Variants in NELL1 observed in about 807,000 individuals in gnomAD.
The protein encoded by NELL1 is protein kinase C-binding protein NELL1.
A neutral mutation model predicts 107.4 loss-of-function variants in NELL1; 76 were observed. The ratio of observed to expected loss-of-function variants is 0.71; its 90% confidence interval spans 0.59 to 0.86. NELL1 has a LOEUF of 0.86. Ranked by LOEUF, NELL1 falls within the 40% of genes least tolerant of loss-of-function variation. The pLI, the probability that NELL1 is intolerant of heterozygous loss-of-function variation, is 0.00. For missense variants in NELL1, 1,024 were observed against 1,005.5 expected (o/e 1.02, Z -0.25); for synonymous variants, 353 against 341.2 (o/e 1.03, Z -0.38).
At chr11:21,567,241 G>C (rs752714304) in intron 17 of NELL1, among the ~76,000 whole-genome samples, 1 of 151,750 alleles carries the variant, frequency 6.6e-6, no homozygotes, top group South Asian at 2.1e-4. Flanking sequence ...AGTTTTTGTT[G>C]GTTAAAGTAA....
chr11:21,118,767 T>A (rs2133737888), intron 13 of NELL1, among the ~76,000 whole-genome samples: 1 of 152,182 alleles, frequency 6.6e-6, no homozygotes, highest in East Asian at 1.9e-4. Context: ...GCTGGTTTTA[T>A]AACCATGTCA....
At chr11:21,305,430 G>A (rs1849584950) in intron 14 of NELL1, among the ~76,000 whole-genome samples, 1 of 151,982 alleles carries the variant, frequency 6.6e-6, no homozygotes, top group African/African-American at 2.4e-5. Flanking sequence ...ATCGTTTGAT[G>A]CCTGATGGGT....
chr11:21,371,927 C>A (rs1851365814), intron 15 of NELL1, among the ~76,000 whole-genome samples: 1 of 151,862 alleles, frequency 6.6e-6, no homozygotes, highest in Non-Finnish European at 1.5e-5. Context: ...TTTATTATTT[C>A]TCACCCTGAC....
At chr11:21,283,537 T>A (rs1849044282) in intron 14 of NELL1, 1 of 152,540 alleles carries the variant, frequency 6.6e-6, no homozygotes, top group Non-Finnish European at 1.5e-5. Context: ...CACACTGAAT[T>A]TGTCTAGTGA....
intron 13 of NELL1, among the ~76,000 whole-genome samples, chr11:21,157,781 C>G (rs1010507295): frequency 1.3e-5 from 2 of 152,162 alleles, no homozygotes; most frequent in African/African-American, 4.8e-5. Context: ...CCTCTCTATG[C>G]CTCAGTTTTC....
chr11:21,054,425 A>G (rs1853568066), intron 12 of NELL1, among the ~76,000 whole-genome samples: 2 of 151,802 alleles, frequency 1.3e-5, no homozygotes, highest in South Asian at 2.1e-4. Context: ...TATTTTTGTG[A>G]GTATATTTAT....
At chr11:21,571,020 C>G (rs1564966888) in intron 18 of NELL1, 80 bp downstream of exon 18, 1 of 1,359,842 alleles carries the variant, frequency 7.4e-7, no homozygotes, top group Non-Finnish European at 1.0e-6. Flanking sequence ...GGACCTAGTT[C>G]CCAGTTTTTC....
chr11:20,935,886 C>T (rs1328735065), intron 9 of NELL1: 1 of 152,338 alleles, frequency 6.6e-6, no homozygotes, highest in Non-Finnish European at 1.5e-5. Context: ...AGAAGGTTGC[C>T]AGGCACTAGG....
chr11:21,574,883 G>T (rs1857185842), intron 19 of NELL1, 89 bp from the exon 20 acceptor site: 3 of 1,082,044 alleles, frequency 2.8e-6, no homozygotes, highest in South Asian at 1.4e-5. Flanking sequence ...GTCTCAAAAT[G>T]CTGAAAGTTG....
In NELL1 at chr11:20,755,819, G is replaced by C. The variant is rs374816416; in HGVS notation, c.185-27861G>C. On this transcript the variant is annotated intron_variant, in intron 2 of 19. Coordinates refer to ENST00000357134, the MANE Select transcript of NELL1 (RefSeq NM_006157.5). ...GATCCACCCACCTTGGCATCCCAAA[G>C]TGCTGGGATTATAGGCATGAGCCAC... Among the ~76,000 whole-genome samples the C allele has an allele frequency of 2.0e-5, 3 of 147,014 alleles. No individual in the cohort carries two copies. In the South Asian group the frequency reaches 6.4e-4, roughly 32 times the overall value.
intron 16 of NELL1, 59 bp from the exon 17 acceptor site, chr11:21,560,130 T>TA: frequency 2.0e-6 from 3 of 1,505,770 alleles, no homozygotes; most frequent in Non-Finnish European, 1.8e-6. Context: ...AAATGATGGT[T>TA]GTTTGTTCTC....
At chr11:20,713,171 G>T (rs1855154741) in intron 2 of NELL1, among the ~76,000 whole-genome samples, 1 of 152,160 alleles carries the variant, frequency 6.6e-6, no homozygotes, top group South Asian at 2.1e-4. Flanking sequence ...GCCCTAAGTT[G>T]ACCAGGGTAA....
At chr11:21,278,411 C>G (rs913178506) in intron 14 of NELL1, among the ~76,000 whole-genome samples, 2 of 152,008 alleles carry the variant, frequency 1.3e-5, no homozygotes, top group Non-Finnish European at 2.9e-5. Context: ...ATTAAAAAAT[C>G]CCTTCTGAAA....
intron 16 of NELL1, among the ~76,000 whole-genome samples, chr11:21,553,448 G>A (rs1856637707): frequency 6.6e-6 from 1 of 151,814 alleles, no homozygotes; most frequent in Non-Finnish European, 1.5e-5. Flanking sequence ...CCCAAAACTA[G>A]TTCTTTCCTT....
chr11:21,160,649 A>T (rs1397524579), intron 13 of NELL1, among the ~76,000 whole-genome samples: 1 of 152,210 alleles, frequency 6.6e-6, no homozygotes. Flanking sequence ...AAACAAATGG[A>T]GCTTTCATAA....
At chr11:21,288,089 A>T (rs1849166925) in intron 14 of NELL1, among the ~76,000 whole-genome samples, 1 of 151,910 alleles carries the variant, frequency 6.6e-6, no homozygotes, top group Non-Finnish European at 1.5e-5. Flanking sequence ...GAGAAGGAAA[A>T]AAGAGGGAAG....
chr11:21,097,912 C>T (rs571278446), intron 12 of NELL1, among the ~76,000 whole-genome samples: 1 of 149,914 alleles, frequency 6.7e-6, no homozygotes, highest in East Asian at 2.0e-4. Context: ...CTCAAATGCA[C>T]ATATCTCATT....
chr11:21,169,818 C>A, intron 13 of NELL1: 2 of 1,402,736 alleles, frequency 1.4e-6, no homozygotes, highest in Non-Finnish European at 2.0e-6. Context: ...AATCAGCCTG[C>A]TGAGCCCGAT....
At chr11:20,706,874 A>G (rs1266347135) in intron 2 of NELL1, among the ~76,000 whole-genome samples, 1 of 152,198 alleles carries the variant, frequency 6.6e-6, no homozygotes, top group African/African-American at 2.4e-5. Flanking sequence ...GCTCTTCTCA[A>G]GGAGTATCTT....
Sources: gnomAD v4.1 joint callset for allele counts (sites outside exome capture counted in the v4.1 genomes callset) on GRCh38, gnomAD v4.1.1 for gene constraint, MANE v1.5 for transcripts, NCBI Gene and HGNC (gene_info 2026-07-23, HGNC 2026-07-21) for gene names.